Variants in DLGAP2 observed in about 807,000 individuals in gnomAD.
DLGAP2 encodes DLG associated protein 2.
DLGAP2 carries 26 observed loss-of-function variants against 100.3 expected under a neutral mutation model. The ratio of observed to expected loss-of-function variants is 0.26; its 90% CI spans 0.19 to 0.36. DLGAP2 has a LOEUF of 0.36. Ranked by LOEUF, DLGAP2 falls within the 10% of genes least tolerant of loss-of-function variation. DLGAP2 has a pLI of 1.00. For synonymous variants in DLGAP2, 886 were observed against 630.1 expected, an observed-to-expected ratio of 1.41 and a Z score of -6.08; for missense variants, 1,858 against 1,453.2, an observed-to-expected ratio of 1.28 and a Z score of -4.53.
chr8:1,222,152 C>A (rs532013479), intron 2 of DLGAP2, among the ~76,000 whole-genome samples: 2 of 152,214 alleles, frequency 1.3e-5, no homozygotes. Flanking sequence ...TAAGAAGACA[C>A]ACTGGCTTTT....
intron 2 of DLGAP2, among the ~76,000 whole-genome samples, chr8:1,092,312 C>T (rs1055809914): frequency 6.6e-6 from 1 of 152,230 alleles, no homozygotes; most frequent in African/African-American, 2.4e-5. Flanking sequence ...CCACAGCCCT[C>T]TGCTGATGTG....
chr8:949,983 G>GCA (rs1240066070), intron 2 of DLGAP2, among the ~76,000 whole-genome samples: 1 of 152,186 alleles, frequency 6.6e-6, no homozygotes, highest in Non-Finnish European at 1.5e-5. Context: ...TCAAAGCGAG[G>GCA]CACACACACA....
intron 3 of DLGAP2, among the ~76,000 whole-genome samples, chr8:1,415,159 A>G (rs1229835256): frequency 6.6e-6 from 1 of 151,912 alleles, no homozygotes; most frequent in Non-Finnish European, 1.5e-5. Flanking sequence ...CAAACAGGCA[A>G]CTCTATTCTG....
At chr8:1,413,431 G>A (rs1270703174) in intron 3 of DLGAP2, among the ~76,000 whole-genome samples, 3 of 152,100 alleles carry the variant, frequency 2.0e-5, no homozygotes, top group Non-Finnish European at 4.4e-5. Flanking sequence ...GACTTTCAAA[G>A]TAAGTCCAAT....
chr8:1,159,693 C>T (rs1462487811), intron 2 of DLGAP2, among the ~76,000 whole-genome samples: 2 of 152,196 alleles, frequency 1.3e-5, no homozygotes, highest in Admixed American at 1.3e-4. Context: ...CATTTTCATT[C>T]CGCAGATGGC....
intron 3 of DLGAP2, among the ~76,000 whole-genome samples, chr8:1,492,674 G>A (rs368344107): frequency 6.6e-6 from 1 of 152,200 alleles, no homozygotes. Flanking sequence ...CCTCACAGCC[G>A]GAGGCAGAGG....
intron 2 of DLGAP2, among the ~76,000 whole-genome samples, chr8:1,000,441 T>TG (rs770009685): frequency 1.9e-4 from 24 of 129,008 alleles, no homozygotes; most frequent in East Asian, 1.3e-3. Context: ...CAGATCCGGG[T>TG]GGGGTGGTTT....
rs566847892 is a variant in DLGAP2 at position 1,667,916 on chromosome 8, C to A, written c.1811-413C>A. Among the ~76,000 whole-genome samples, 89 of 150,902 alleles carry A rather than the reference C, an allele frequency of 5.9e-4. 1 individual carries two copies. The Middle Eastern group carries it at 0.017, about 30-fold the overall frequency. On this transcript the variant is annotated intron_variant, in intron 8 of 14. Transcript: ENST00000637795. ...GATGCCATGCCTGTGCGCTGTCCTG[C>A]GGGGACACACCTTGCCTAGGTGTGT...
At chr8:1,672,366 G>A (rs540597107) in intron 10 of DLGAP2, among the ~76,000 whole-genome samples, 1 of 152,154 alleles carries the variant, frequency 6.6e-6, no homozygotes, top group African/African-American at 2.4e-5. Context: ...CGAGCAGCTG[G>A]GATTACAGAC....
intron 2 of DLGAP2, among the ~76,000 whole-genome samples, chr8:1,106,694 G>A (rs967663584): frequency 2.7e-5 from 4 of 150,554 alleles, no homozygotes; most frequent in Non-Finnish European, 5.9e-5. Flanking sequence ...TCTACTGAAG[G>A]AGGCCATTCT....
chr8:1,651,143 A>G (rs1049378613), intron 8 of DLGAP2, among the ~76,000 whole-genome samples: 2 of 152,314 alleles, frequency 1.3e-5, no homozygotes, highest in South Asian at 2.1e-4. Context: ...AGGTTTACCA[A>G]TTCTTTGCAA....
chr8:1,187,718 G>A (rs369165069), intron 2 of DLGAP2, among the ~76,000 whole-genome samples: 2 of 141,204 alleles, frequency 1.4e-5, no homozygotes, highest in Non-Finnish European at 3.0e-5. Flanking sequence ...TTTCCCTCAC[G>A]GAATCTCACA....
At chr8:1,598,564 G>T (rs981930670) in intron 6 of DLGAP2, among the ~76,000 whole-genome samples, 6 of 152,140 alleles carry the variant, frequency 3.9e-5, no homozygotes, top group African/African-American at 1.4e-4. Context: ...TGTATTCAGG[G>T]ATTTGACTTA....
At chr8:1,012,256 C>G (rs1021412186) in intron 2 of DLGAP2, among the ~76,000 whole-genome samples, 32 of 152,330 alleles carry the variant, frequency 2.1e-4, no homozygotes, top group African/African-American at 7.7e-4. Context: ...GCTTAAATCC[C>G]CATCCCTTCG....
rs1801756090 is a variant in DLGAP2, at chr8:1,352,378, CCTCATGGGGCCAT to C, written c.106+93499_106+93511del. On this transcript the variant is annotated intron_variant, in intron 3 of 14. Coordinates refer to ENST00000637795, the MANE Select transcript of DLGAP2 (RefSeq NM_001346810.2). Reference sequence around the variant, plus strand: ...TCCCCAGCGACTCCCCCTGGGGCTTCCTCATGGGGCCATCTCTTCCTCTCCCCAGCGACTCTCC... The same window carrying C: ...TCCCCAGCGACTCCCCCTGGGGCTTCCTCTTCCTCTCCCCAGCGACTCTCC... Among the ~76,000 whole-genome samples the C allele has an allele frequency of 2.0e-5, 3 of 152,190 alleles. No individual in the cohort carries two copies. In the South Asian group the frequency reaches 6.2e-4, roughly 32 times the overall value.
intron 1 of DLGAP2, among the ~76,000 whole-genome samples, chr8:861,400 C>A (rs1168043572): frequency 6.6e-6 from 1 of 152,128 alleles, no homozygotes; most frequent in Non-Finnish European, 1.5e-5. Flanking sequence ...CTGTACTTCT[C>A]CTCATGCTCG....
intron 2 of DLGAP2, among the ~76,000 whole-genome samples, chr8:1,067,604 C>CGTGTGTGTGTGTGTGT (rs3220190): frequency 1.6e-4 from 22 of 140,302 alleles, no homozygotes; most frequent in Non-Finnish European, 3.2e-4. Context: ...GGTTGAGTGA[C>CGTGTGTGTGTGTGTGT]GTGTGTGTGT....
At chr8:1,118,033 T>A (rs1795935640) in intron 2 of DLGAP2, among the ~76,000 whole-genome samples, 1 of 152,378 alleles carries the variant, frequency 6.6e-6, no homozygotes, top group African/African-American at 2.4e-5. Context: ...TTTCAAAAGT[T>A]GTATAGATTC....
chr8:1,111,167 C>A (rs1472526930), intron 2 of DLGAP2, among the ~76,000 whole-genome samples: 1 of 152,176 alleles, frequency 6.6e-6, no homozygotes, highest in Non-Finnish European at 1.5e-5. Flanking sequence ...GATGGCCAAG[C>A]TACAGAAAAT....
Sources: gnomAD v4.1 joint callset for allele counts (sites outside exome capture counted in the v4.1 genomes callset) on GRCh38, gnomAD v4.1.1 for gene constraint, MANE v1.5 for transcripts, NCBI Gene and HGNC (gene_info 2026-07-23, HGNC 2026-07-21) for gene names.